Variants in CREB3L2 observed in about 807,000 individuals in gnomAD.
CREB3L2 encodes cyclic AMP-responsive element-binding protein 3-like protein 2.
In CREB3L2, 23 loss-of-function variants were observed where a neutral mutation model predicts 57.2. The ratio of observed to expected loss-of-function variants is 0.40; its 90% CI spans 0.29 to 0.57. The LOEUF (loss-of-function observed/expected upper bound fraction) is 0.57, where lower values mean the gene tolerates loss of function less well. Among genes scored for constraint, CREB3L2 ranks in the 20% least tolerant of loss-of-function variants. The pLI, the probability that CREB3L2 is intolerant of heterozygous loss-of-function variation, is 0.42. For missense variants in CREB3L2, 628 were observed against 634.7 expected (o/e 0.99, Z 0.11); for synonymous variants, 268 against 265.1 (o/e 1.01, Z -0.11).
intron 1 of CREB3L2, among the ~76,000 whole-genome samples, chr7:137,936,630 T>C (rs1182220357): frequency 6.6e-6 from 1 of 152,176 alleles, no homozygotes; most frequent in African/African-American, 2.4e-5. Context: ...ATGACAGTCC[T>C]GCCTGAGAAA....
chr7:137,907,326 G>A (rs1219127226), intron 5 of CREB3L2, among the ~76,000 whole-genome samples: 2 of 152,204 alleles, frequency 1.3e-5, no homozygotes, highest in African/African-American at 2.4e-5. Flanking sequence ...CCATAAACAT[G>A]TAGAATGGAC....
intron 1 of CREB3L2, among the ~76,000 whole-genome samples, chr7:138,000,295 C>T (rs2117340350): frequency 6.6e-6 from 1 of 152,352 alleles, no homozygotes; most frequent in East Asian, 1.9e-4. Flanking sequence ...ACTCCAAGTT[C>T]TTTACTGAGG....
intron 3 of CREB3L2, among the ~76,000 whole-genome samples, chr7:137,914,670 G>C (rs946700444): frequency 7.9e-5 from 12 of 151,980 alleles, no homozygotes; most frequent in African/African-American, 2.9e-4. Flanking sequence ...AAAATTCTGT[G>C]GAGCAAGGAG....
In CREB3L2 at chr7:137,876,902, G is replaced by A. The variant is rs1022592815; in HGVS notation, c.*3574C>T. On this transcript the variant is annotated 3_prime_UTR_variant, in exon 12 of 12. Coordinates refer to ENST00000330387, the MANE Select transcript of CREB3L2 (RefSeq NM_194071.4). Reference sequence around the variant, plus strand: ...TGAATGGGCCATTATTCAACTGGGGGTGGGATGTCTCCATTTCTGGACTGT... The same window carrying A: ...TGAATGGGCCATTATTCAACTGGGGATGGGATGTCTCCATTTCTGGACTGT... The A allele has an allele frequency of 2.2e-5, 5 of 232,270 alleles. No homozygotes were observed. In the South Asian group the frequency reaches 7.2e-4, roughly 34 times the overall value. The allele number at this position is 232,270 out of a possible 1,614,324, so 14.4% of individuals were successfully genotyped here.
At chr7:137,950,201 T>C (rs989566434) in intron 1 of CREB3L2, among the ~76,000 whole-genome samples, 6 of 152,160 alleles carry the variant, frequency 3.9e-5, no homozygotes, top group African/African-American at 9.7e-5. Flanking sequence ...ATGGTGAAAA[T>C]GTGGGTGGTT....
At chr7:137,937,119 T>A (rs1252580676) in intron 1 of CREB3L2, among the ~76,000 whole-genome samples, 1 of 152,060 alleles carries the variant, frequency 6.6e-6, no homozygotes, top group Non-Finnish European at 1.5e-5. Flanking sequence ...TTGCAGCCAG[T>A]CTCTGGCTGA....
At chr7:137,943,703 G>GA (rs1800915158) in intron 1 of CREB3L2, among the ~76,000 whole-genome samples, 1 of 152,158 alleles carries the variant, frequency 6.6e-6, no homozygotes, top group African/African-American at 2.4e-5. Context: ...AACAATTTCT[G>GA]AAGTGGTTAG....
intron 1 of CREB3L2, among the ~76,000 whole-genome samples, chr7:137,997,201 T>C (rs956798937): frequency 6.6e-6 from 1 of 152,154 alleles, no homozygotes; most frequent in Non-Finnish European, 1.5e-5. Context: ...CAGTTTTACA[T>C]GGTGCCTACA....
chr7:137,993,292 T>C (rs1466909924), intron 1 of CREB3L2, among the ~76,000 whole-genome samples: 1 of 152,196 alleles, frequency 6.6e-6, no homozygotes, highest in Non-Finnish European at 1.5e-5. Context: ...AGAGAGCCTG[T>C]GTCCCTCAAC....
At chr7:137,907,258 G>T (rs772207467) in intron 5 of CREB3L2, among the ~76,000 whole-genome samples, 2 of 152,204 alleles carry the variant, frequency 1.3e-5, no homozygotes, top group African/African-American at 2.4e-5. Context: ...GTACCAACAA[G>T]TAACAGGGAA....
At chr7:137,968,181 T>G (rs962751427) in intron 1 of CREB3L2, among the ~76,000 whole-genome samples, 1 of 151,760 alleles carries the variant, frequency 6.6e-6, no homozygotes, top group African/African-American at 2.4e-5. Flanking sequence ...CCACAGCTGA[T>G]GTTGCCCTGG....
chr7:137,974,851 T>C (rs1801578375), intron 1 of CREB3L2, among the ~76,000 whole-genome samples: 1 of 152,160 alleles, frequency 6.6e-6, no homozygotes, highest in South Asian at 2.1e-4. Context: ...GTAGAGCCTG[T>C]GAAAGGTGAG....
intron 2 of CREB3L2, among the ~76,000 whole-genome samples, chr7:137,918,451 G>C (rs1800197530): frequency 6.6e-6 from 1 of 152,118 alleles, no homozygotes; most frequent in South Asian, 2.1e-4. Flanking sequence ...AAAGTGCTGG[G>C]ATTACAGGTG....
rs576783180 is a variant in CREB3L2 at position 137,952,049 on chromosome 7, CTTTTCTTAT to C, written c.103-23692_103-23684del. ...GGATAGTGGGAACATAAGAGTTTTT[CTTTTCTTAT>C]TTCTCTAACTTTGGTAATATGTTAT... On this transcript the variant is annotated intron_variant, in intron 1 of 11. Transcript: ENST00000330387. 6.6e-5 allele frequency among the ~76,000 whole-genome samples: 10 copies of C among 152,148 alleles called. No individual in the cohort carries two copies. The East Asian group carries it at 1.7e-3, about 26-fold the overall frequency.
intron 1 of CREB3L2, among the ~76,000 whole-genome samples, chr7:137,970,234 A>T (rs1261279895): frequency 1.3e-5 from 2 of 152,254 alleles, no homozygotes; most frequent in Non-Finnish European, 2.9e-5. Context: ...TATTATTATT[A>T]TTGATATAAG....
In CREB3L2 at chr7:138,001,648, C is replaced by T. The variant is rs1340875155; in HGVS notation, c.58G>A (p.Glu20Lys). 6.2e-7 allele frequency: 1 copy of T among 1,613,436 alleles called. No homozygotes were observed. The highest frequency in any genetic ancestry group is 1.1e-5 in the South Asian group (1 of 91,040). The change falls in exon 1 of 12, where the codon GAG (glutamate) becomes AAG (lysine). Residue 20 changes from glutamate (E) to lysine (K), a missense_variant. By Grantham distance (56) the Glu-to-Lys change is moderately conservative. Transcript: ENST00000330387. This position sits in a 1 kb window ranked among gnomAD's most constrained non-coding sequence, Gnocchi z 4.2. ...TCGCCGTCCCCGGGCTCTGACAGCT[C>T]GCTCAGCTTGCGGTCCCACTGCAGC... ...GVLQWDRKLS[E>K]LSEPGDGEAL... is the part of the protein sequence containing the mutation.
intron 1 of CREB3L2, among the ~76,000 whole-genome samples, chr7:137,960,345 TA>T (rs1801297322): frequency 6.6e-6 from 1 of 152,116 alleles, no homozygotes; most frequent in Non-Finnish European, 1.5e-5. Context: ...AATGCAAGCT[TA>T]AAATACAGTG....
rs1367395589 is a variant in CREB3L2, at chr7:137,980,546, G to C, written c.102+21058C>G. Among the ~76,000 whole-genome samples, 1 of 152,208 alleles carries C rather than the reference G, an allele frequency of 6.6e-6. No individual in the cohort carries two copies. The highest frequency in any genetic ancestry group is 2.4e-5 in the African/African-American group (1 of 41,450). ...CTAGACAAACACAACCAGAGAAAGG[G>C]GAAGAGAAGACTTGCTGGTGCCCAG... is the stretch of plus-strand genomic sequence containing the variant. On this transcript the variant is annotated intron_variant, in intron 1 of 11. Coordinates refer to ENST00000330387, the MANE Select transcript of CREB3L2 (RefSeq NM_194071.4). The surrounding 1 kb of genome is among the most constrained non-coding windows in gnomAD (Gnocchi z 4.3).
chr7:137,995,679 C>T (rs1270246565), intron 1 of CREB3L2, among the ~76,000 whole-genome samples: 1 of 152,158 alleles, frequency 6.6e-6, no homozygotes, highest in Non-Finnish European at 1.5e-5. Flanking sequence ...AATTTACTTA[C>T]TGTATGAGCC....
Sources: gnomAD v4.1 joint callset for allele counts (sites outside exome capture counted in the v4.1 genomes callset) on GRCh38, gnomAD v4.1.1 for gene constraint, Gnocchi (gnomAD v3.1) non-coding constraint, MANE v1.5 for transcripts, NCBI Gene and HGNC (gene_info 2026-07-23, HGNC 2026-07-21) for gene names.